GCA: variants seen among roughly 807,000 people sequenced by gnomAD.
GCA encodes grancalcin, also known as grancalcin, EF-hand calcium-binding protein.
In GCA, 30 loss-of-function variants were observed where a neutral mutation model predicts 32.6. The ratio of observed to expected loss-of-function variants is 0.92; its 90% CI spans 0.69 to 1.25. GCA has a LOEUF of 1.25. Among genes scored for constraint, GCA ranks in the 50% most tolerant of loss-of-function variants. GCA has a pLI of 0.00. For missense variants in GCA, 291 were observed against 266.8 expected (o/e 1.09, Z -0.63); for synonymous variants, 102 against 84.6 (o/e 1.21, Z -1.13).
At chr2:162,332,418 C>T (rs985954887) in intron 1 of GCA, among the ~76,000 whole-genome samples, 1 of 148,780 alleles carries the variant, frequency 6.7e-6, no homozygotes, top group African/African-American at 2.5e-5. Flanking sequence ...ATGGCAGTAG[C>T]CCCCTGGACA....
Position 162,352,423 on chromosome 2 carries a change from C to T in GCA, c.262+16C>T, listed in dbSNP as rs770848769. 4 of 1,443,692 alleles carry T rather than the reference C, an allele frequency of 2.8e-6. No homozygotes were observed. The South Asian group carries it at 4.7e-5, about 17-fold the overall frequency. The allele number at this position is 1,443,692 out of a possible 1,614,324, so 89.4% of individuals were successfully genotyped here. On this transcript the variant is annotated intron_variant, in intron 3 of 7. Transcript: ENST00000437150. ...ACTTACTCTCGTGAGATCTTTTTTCCCCTTTTGTTGAAATTATAATAGGAA... is the reference window on the plus strand; with the variant it reads ...ACTTACTCTCGTGAGATCTTTTTTCTCCTTTTGTTGAAATTATAATAGGAA...
rs1685504562 is a variant in GCA at position 162,360,205 on chromosome 2, C to T, written c.628-12C>T. ...TTATTCTTAATAGATAATAATTTCA[C>T]TTATGTATTAGTTTTTGCAGGGCAC... On this transcript the variant is annotated splice_polypyrimidine_tract_variant and intron_variant, in intron 7 of 7. Transcript: ENST00000437150. 2.1e-6 allele frequency: 3 copies of T among 1,444,360 alleles called. No individual in the cohort carries two copies. The highest frequency in any genetic ancestry group is 2.9e-6 in the Non-Finnish European group (3 of 1,036,600). The allele number at this position is 1,444,360 out of a possible 1,614,324, so 89.5% of individuals were successfully genotyped here.
upstream of GCA, among the ~76,000 whole-genome samples, chr2:162,341,271 A>T (rs1297335883): frequency 9.1e-6 from 1 of 109,942 alleles, no homozygotes; most frequent in Non-Finnish European, 1.6e-5. Context: ...TTTATTTTAT[A>T]TATATATATA....
chr2:162,374,542 C>T (rs936334923), downstream of GCA, among the ~76,000 whole-genome samples: 1 of 152,044 alleles, frequency 6.6e-6, no homozygotes. Context: ...CACTTATTTG[C>T]GCTGACTGTT....
intron 2 of GCA, among the ~76,000 whole-genome samples, chr2:162,352,086 T>C (rs529887648): frequency 5.3e-5 from 8 of 152,286 alleles, no homozygotes; most frequent in Non-Finnish European, 1.2e-4. Context: ...ATGACTCTTA[T>C]GAGATTGTCT....
chr2:162,347,757 T>G lies in GCA; in HGVS notation c.192+15T>G. The stretch of plus-strand genomic sequence containing the variant: ...TTGCTGGACAGGTGAGATGCTAAAT[T>G]TATTGCATAAATATGTCTTTAAAAT... On this transcript the variant is annotated intron_variant, in intron 2 of 7. Coordinates refer to ENST00000437150, the MANE Select transcript of GCA (RefSeq NM_012198.5). The G allele has an allele frequency of 1.4e-6, 2 of 1,444,842 alleles. No individual in the cohort carries two copies. The highest frequency in any genetic ancestry group is 1.5e-5 in the South Asian group (1 of 68,914). The allele number at this position is 1,444,842 out of a possible 1,614,324, so 89.5% of individuals were successfully genotyped here.
upstream of GCA, among the ~76,000 whole-genome samples, chr2:162,342,345 G>T (rs1027925830): frequency 2.6e-5 from 4 of 152,198 alleles, no homozygotes; most frequent in African/African-American, 9.7e-5. Flanking sequence ...GAGTGCCACA[G>T]TTTCATGGAA....
At chr2:162,353,210 C>T (rs1401189408) in intron 3 of GCA, among the ~76,000 whole-genome samples, 1 of 152,106 alleles carries the variant, frequency 6.6e-6, no homozygotes, top group East Asian at 1.9e-4. Context: ...TGGCTCATGC[C>T]TGCAATCCCA....
rs183121830 is a variant in GCA, at chr2:162,357,393, A to C, written c.454+488A>C. 2.7e-4 allele frequency among the ~76,000 whole-genome samples: 41 copies of C among 151,924 alleles called. No homozygotes were observed. In the East Asian group the frequency reaches 5.0e-3, roughly 19 times the overall value. ...GAGTAATTTAGAAGTATATAACTTT[A>C]TTCTTATACCTCTGATAAGCTGATG... On this transcript the variant is annotated intron_variant, in intron 5 of 7. Coordinates refer to ENST00000437150, the MANE Select transcript of GCA (RefSeq NM_012198.5).
chr2:162,367,321 A>T (rs1046446408), downstream of GCA, among the ~76,000 whole-genome samples: 5 of 151,902 alleles, frequency 3.3e-5, no homozygotes, highest in African/African-American at 1.2e-4. Context: ...AACCATTGCA[A>T]CTGTAAAATT....
chr2:162,321,212 GTAAT>G (rs374569846), intron 1 of GCA, among the ~76,000 whole-genome samples: 75 of 152,232 alleles, frequency 4.9e-4, no homozygotes, highest in African/African-American at 1.4e-3. Flanking sequence ...TTTCACTTGA[GTAAT>G]TAATTGTTTT....
chr2:162,340,843 G>C (rs1684418872), upstream of GCA, among the ~76,000 whole-genome samples: 1 of 152,110 alleles, frequency 6.6e-6, no homozygotes, highest in African/African-American at 2.4e-5. Flanking sequence ...GATACCTCCA[G>C]AATGTCTAAC....
At chr2:162,334,699 C>T (rs1684207908) in intron 1 of GCA, among the ~76,000 whole-genome samples, 2 of 152,172 alleles carry the variant, frequency 1.3e-5, no homozygotes, top group Admixed American at 1.3e-4. Flanking sequence ...AAGCTATAAG[C>T]TTCACAAGGA....
At chr2:162,367,218 C>T (rs576511614), downstream of GCA, among the ~76,000 whole-genome samples, 17 of 151,998 alleles carry the variant, frequency 1.1e-4, no homozygotes, top group African/African-American at 3.6e-4. Flanking sequence ...CACATTGAGT[C>T]CCCTGCCATT....
At chr2:162,343,855 A>G (rs1684532081), upstream of GCA, among the ~76,000 whole-genome samples, 1 of 152,208 alleles carries the variant, frequency 6.6e-6, no homozygotes, top group South Asian at 2.1e-4. Flanking sequence ...AGACCTTTCC[A>G]CAGAGAGTGG....
chr2:162,373,186 A>G (rs1394162576), downstream of GCA, among the ~76,000 whole-genome samples: 1 of 152,156 alleles, frequency 6.6e-6, no homozygotes. Flanking sequence ...TGTAAATTTA[A>G]GCAGGTTGAT....
At chr2:162,340,194 G>C (rs1684393806), upstream of GCA, among the ~76,000 whole-genome samples, 1 of 152,128 alleles carries the variant, frequency 6.6e-6, no homozygotes, top group South Asian at 2.1e-4. Context: ...TGCAAATGCT[G>C]AGTGGTTGGT....
At chr2:162,355,748 C>T (rs2105339721) in intron 3 of GCA, among the ~76,000 whole-genome samples, 1 of 150,926 alleles carries the variant, frequency 6.6e-6, no homozygotes, top group African/African-American at 2.4e-5. Flanking sequence ...TTTTTTCTCC[C>T]CCCAACCCCC....
At chr2:162,345,035 C>T (rs1165771929) in intron 1 of GCA, among the ~76,000 whole-genome samples, 2 of 133,890 alleles carry the variant, frequency 1.5e-5, no homozygotes, top group African/African-American at 5.4e-5. Flanking sequence ...TAATATAGGA[C>T]TTGACTTTGG....
Sources: gnomAD v4.1 joint callset for allele counts (sites outside exome capture counted in the v4.1 genomes callset) on GRCh38, gnomAD v4.1.1 for gene constraint, MANE v1.5 for transcripts, NCBI Gene and HGNC (gene_info 2026-07-23, HGNC 2026-07-21) for gene names.